The following AASS variants were observed in gnomAD, a reference collection of about 807,000 sequenced individuals.
The protein encoded by AASS is aminoadipate-semialdehyde synthase, also known as alpha-aminoadipic semialdehyde synthase, mitochondrial.
AASS carries 86 observed loss-of-function variants against 105.4 expected under a neutral mutation model. That is an observed-to-expected ratio of 0.82 (90% CI 0.69 to 0.98). The LOEUF (loss-of-function observed/expected upper bound fraction) is 0.98, where lower values mean the gene tolerates loss of function less well. Among genes scored for constraint, AASS ranks in the 50% least tolerant of loss-of-function variants. AASS has a pLI of 0.00. For missense variants in AASS, 1,048 were observed against 1,143.2 expected, an observed-to-expected ratio of 0.92 and a Z score of 1.20; for synonymous variants, 381 against 394.8, an observed-to-expected ratio of 0.96 and a Z score of 0.41.
intron 11 of AASS, 49 bp downstream of exon 11, chr7:122,113,068 TA>T: frequency 7.1e-7 from 1 of 1,412,938 alleles, no homozygotes; most frequent in Non-Finnish European, 1.0e-6. Context: ...ATTACTCAAT[TA>T]TTCAATTTAA....
chr7:122,100,216 G>A (rs760716253), intron 13 of AASS, among the ~76,000 whole-genome samples: 3 of 151,844 alleles, frequency 2.0e-5, no homozygotes, highest in Non-Finnish European at 4.4e-5. Context: ...TAAACCTGCT[G>A]CTTCATGAAA....
Position 122,126,359 on chromosome 7 carries a change from G to T in AASS, c.472+16C>A, listed in dbSNP as rs1436361481. On this transcript the variant is annotated intron_variant, in intron 4 of 23. Transcript: ENST00000417368. ...CCAATTTAGGAAGTGGGTGATGTAA[G>T]CCCTGGCATACTTACCTGCCACACC... The T allele has an allele frequency of 1.2e-6, 2 of 1,611,044 alleles. No homozygotes were observed. The highest frequency in any genetic ancestry group is 2.7e-5 in the African/African-American group (2 of 74,814).
At chr7:122,130,466 C>T (rs1795858134) in intron 2 of AASS, among the ~76,000 whole-genome samples, 1 of 151,910 alleles carries the variant, frequency 6.6e-6, no homozygotes, top group Non-Finnish European at 1.5e-5. Flanking sequence ...TAATAAATTA[C>T]ATGTACTTTG....
At chr7:122,139,928 G>T (rs1168794527) in intron 1 of AASS, among the ~76,000 whole-genome samples, 2 of 150,344 alleles carry the variant, frequency 1.3e-5, no homozygotes, top group South Asian at 2.1e-4. Flanking sequence ...CTCCCACCTG[G>T]ACAACAAAGT....
chr7:122,076,621 A>C lies in AASS; in HGVS notation c.2663-14T>G, dbSNP rs774257560. 14 of 1,534,108 alleles carry C rather than the reference A, an allele frequency of 9.1e-6. No individual in the cohort carries two copies. The Admixed American group carries it at 1.0e-4, about 11-fold the overall frequency. On this transcript the variant is annotated splice_polypyrimidine_tract_variant and intron_variant, in intron 23 of 23. Transcript: ENST00000417368. ...CTCCAATTTCACCTGGAAGAAAATA[A>C]ATGTGTAATTACCATTTCAAAGGTT... is the stretch of plus-strand genomic sequence containing the variant.
At chr7:122,139,948 T>G (rs1376421270) in intron 1 of AASS, among the ~76,000 whole-genome samples, 2 of 150,296 alleles carry the variant, frequency 1.3e-5, no homozygotes, top group Admixed American at 6.6e-5. Flanking sequence ...TGAGACTGTC[T>G]CAAACAAACA....
At chr7:122,107,310 A>G (rs1339491332) in intron 11 of AASS, among the ~76,000 whole-genome samples, 2 of 152,154 alleles carry the variant, frequency 1.3e-5, no homozygotes, top group Non-Finnish European at 1.5e-5. Flanking sequence ...CAGTTCAACC[A>G]TTGTGGAAAG....
Position 122,081,542 on chromosome 7 carries a change from TTC to T in AASS, c.2236_2237del (p.Glu746SerfsTer6). 1 of 1,614,030 alleles carries T rather than the reference TTC, an allele frequency of 6.2e-7. No individual in the cohort carries two copies. Among genetic ancestry groups the T allele is most frequent in the Non-Finnish European group, 8.5e-7 (1 of 1,179,900 alleles). ...CCTCAGGTCTAAAGGCAGGAAGCGCTTCTCTGTTTATAAGACCTAATTTTACA... is the reference window on the plus strand; with the variant it reads ...CCTCAGGTCTAAAGGCAGGAAGCGCTTCTGTTTATAAGACCTAATTTTACA... ...GFVKLGLINR[E>X]ALPAFRPEAN... On this transcript the variant is annotated frameshift_variant, in exon 20 of 24. Coordinates refer to ENST00000417368, the MANE Select transcript of AASS (RefSeq NM_005763.4). LOFTEE classifies it high-confidence loss of function.
At chr7:122,085,711 T>C (rs369263429) in intron 19 of AASS, among the ~76,000 whole-genome samples, 2 of 152,232 alleles carry the variant, frequency 1.3e-5, no homozygotes, top group East Asian at 3.9e-4. Context: ...TTGAAACTCC[T>C]GTGAATACTG....
Position 122,098,454 on chromosome 7 carries a change from T to A in AASS, c.1651A>T (p.Ile551Phe). 6.2e-7 allele frequency: 1 copy of A among 1,612,146 alleles called. No homozygotes were observed. The highest frequency in any genetic ancestry group is 8.5e-7 in the Non-Finnish European group (1 of 1,178,702). The change falls in exon 15 of 24, where the codon ATC becomes TTC. Residue 551 changes from isoleucine (I) to phenylalanine (F), a missense_variant. Ile to Phe is a conservative substitution (Grantham distance 21). Transcript: ENST00000417368. ...CATTTCTTGCCAGATACTGACCTGA[T>A]GACAAGATCCTGTTTTGCCACCAAG... ...GFLVAKQDLV[I>F]SLLPYVLHPL...
At position 122,101,367 on chromosome 7, in the gene AASS, T is replaced by C. The variant is rs760693789; in HGVS notation, c.1406+4A>G. ...TAAAACAAGAGGATTTGAACAATAC[T>C]TACCTGCTCTCCCGGAGTGTCTGGA... On this transcript the variant is annotated splice_donor_region_variant and intron_variant, in intron 13 of 23. Coordinates refer to ENST00000417368, the MANE Select transcript of AASS (RefSeq NM_005763.4). 6.2e-7 allele frequency: 1 copy of C among 1,601,556 alleles called. No homozygotes were observed. Among genetic ancestry groups the C allele is most frequent in the Non-Finnish European group, 8.6e-7 (1 of 1,169,238 alleles).
intron 15 of AASS, among the ~76,000 whole-genome samples, chr7:122,097,097 A>T (rs918690587): frequency 2.0e-5 from 3 of 152,126 alleles, no homozygotes; most frequent in Admixed American, 2.0e-4. Context: ...GCATAAAGTT[A>T]GCCTGTATTT....
chr7:122,108,367 C>CA (rs923665324), intron 11 of AASS, among the ~76,000 whole-genome samples: 9 of 151,854 alleles, frequency 5.9e-5, no homozygotes, highest in Admixed American at 5.9e-4. Context: ...AAGGACGTAA[C>CA]AAAAAAAGTA....
At chr7:122,122,702 TATCA>T (rs958033214) in intron 4 of AASS, among the ~76,000 whole-genome samples, 47 of 152,202 alleles carry the variant, frequency 3.1e-4, no homozygotes, top group African/African-American at 1.1e-3. Flanking sequence ...ACCATGTATC[TATCA>T]ATCAATAGAC....
chr7:122,101,255 A>C, intron 13 of AASS, 116 bp downstream of exon 13: 1 of 855,794 alleles, frequency 1.2e-6, no homozygotes. Context: ...ACATTATCAA[A>C]ATTTATATAG....
At chr7:122,093,192 C>A in intron 15 of AASS, 34 bp from the exon 16 acceptor site, 1 of 1,436,492 alleles carries the variant, frequency 7.0e-7, no homozygotes, top group Non-Finnish European at 9.8e-7. Context: ...CAGAAACTCC[C>A]TTTTTCAACT....
intron 11 of AASS, among the ~76,000 whole-genome samples, chr7:122,103,562 C>T (rs553170883): frequency 1.3e-5 from 2 of 151,784 alleles, no homozygotes; most frequent in Admixed American, 1.3e-4. Context: ...ATCCAGAATA[C>T]CCTGATACTA....
chr7:122,127,552 C>G lies in AASS; in HGVS notation c.388-1093G>C, dbSNP rs532555059. 1.9e-3 allele frequency among the ~76,000 whole-genome samples: 292 copies of G among 152,098 alleles called. 9 individuals carry two copies. The South Asian group carries it at 0.057, about 30-fold the overall frequency. The stretch of plus-strand genomic sequence containing the variant: ...ATTACTTTATTTGCTTAAAGTGGAA[C>G]ATTCTTCCTATAGTATTATTTCCAT... On this transcript the variant is annotated intron_variant, in intron 3 of 23. Transcript: ENST00000417368.
intron 11 of AASS, among the ~76,000 whole-genome samples, chr7:122,110,860 T>C (rs2150531995): frequency 6.6e-6 from 1 of 152,150 alleles, no homozygotes; most frequent in Non-Finnish European, 1.5e-5. Flanking sequence ...AACCAGAACT[T>C]AGTCATAAAT....
Sources: gnomAD v4.1 joint callset for allele counts (sites outside exome capture counted in the v4.1 genomes callset) on GRCh38, gnomAD v4.1.1 for gene constraint, MANE v1.5 for transcripts, NCBI Gene and HGNC (gene_info 2026-07-23, HGNC 2026-07-21) for gene names.